GPATCH8: variants seen among roughly 807,000 people sequenced by gnomAD.
GPATCH8 encodes G-patch domain containing 8, also known as G patch domain-containing protein 8.
A neutral mutation model predicts 118.3 loss-of-function variants in GPATCH8; 18 were observed. The observed-to-expected ratio is 0.15, with a 90% CI of 0.11 to 0.23. The LOEUF (loss-of-function observed/expected upper bound fraction) is 0.23. Ranked by LOEUF, GPATCH8 falls within the 10% of genes least tolerant of loss-of-function variation. The pLI is 1.00. For synonymous variants in GPATCH8, 659 were observed against 684.7 expected, an observed-to-expected ratio of 0.96 and a Z score of 0.59; for missense variants, 1,631 against 1,873.8, an observed-to-expected ratio of 0.87 and a Z score of 2.39.
intron 3 of GPATCH8, among the ~76,000 whole-genome samples, chr17:44,456,606 A>T (rs542724223): frequency 2.3e-4 from 35 of 151,590 alleles, no homozygotes; most frequent in Non-Finnish European, 4.4e-4. Flanking sequence ...ACATAGAAAG[A>T]CCTCATCTCC....
chr17:44,431,378 GAAA>G (rs776468380), intron 5 of GPATCH8, among the ~76,000 whole-genome samples: 5 of 47,794 alleles, frequency 1.0e-4, no homozygotes, highest in African/African-American at 1.4e-4. Context: ...TCTCAAAAAG[GAAA>G]AAAAAAAAAA....
chr17:44,498,754 C>T (rs571968519), intron 1 of GPATCH8, among the ~76,000 whole-genome samples: 1 of 152,274 alleles, frequency 6.6e-6, no homozygotes, highest in Admixed American at 6.5e-5. Flanking sequence ...GGCATTTCTT[C>T]CAGATTACGG....
chr17:44,429,422 G>T (rs1470775016), intron 5 of GPATCH8, among the ~76,000 whole-genome samples: 1 of 152,008 alleles, frequency 6.6e-6, no homozygotes, highest in Non-Finnish European at 1.5e-5. Context: ...TACAGCAATG[G>T]AAACAAGAAA....
intron 7 of GPATCH8, among the ~76,000 whole-genome samples, chr17:44,401,955 G>A (rs1184165172): frequency 6.7e-6 from 1 of 150,308 alleles, no homozygotes; most frequent in African/African-American, 2.4e-5. Flanking sequence ...AGTGAGCCAA[G>A]ATCACGCCAC....
At position 44,397,757 on chromosome 17, in the gene GPATCH8, G is replaced by A. The variant is rs751740491; in HGVS notation, c.4320C>T (p.His1440=). 3.1e-6 allele frequency: 5 copies of A among 1,588,528 alleles called. No individual in the cohort carries two copies. The highest frequency in any genetic ancestry group is 3.4e-5 in the Admixed American group (2 of 58,456). ...GATGGATGGCTGAGGCGGGAATGATGTGGATGGGATGGCTAGCGAGAAAGG... is the reference window on the plus strand; with the variant it reads ...GATGGATGGCTGAGGCGGGAATGATATGGATGGGATGGCTAGCGAGAAAGG... ...PATFLASHPI[H]IIPASAIHPG... The change falls in exon 8 of 8, where the codon CAC becomes CAT. Residue 1440 remains histidine, a synonymous_variant. Transcript: ENST00000591680.
At chr17:44,442,520 T>C (rs539124896) in intron 3 of GPATCH8, among the ~76,000 whole-genome samples, 1 of 152,242 alleles carries the variant, frequency 6.6e-6, no homozygotes, top group African/African-American at 2.4e-5. Context: ...GCTGGAGTGC[T>C]GTGGTGCCAT....
At chr17:44,482,592 AC>A (rs1211337004) in intron 1 of GPATCH8, among the ~76,000 whole-genome samples, 70 of 138,714 alleles carry the variant, frequency 5.0e-4, no homozygotes, top group Non-Finnish European at 9.9e-4. Flanking sequence ...AAAAAAAAAA[AC>A]CAAACCAAAC....
chr17:44,475,525 T>C (rs1214229369), intron 1 of GPATCH8, among the ~76,000 whole-genome samples: 1 of 149,348 alleles, frequency 6.7e-6, no homozygotes, highest in Non-Finnish European at 1.5e-5. Context: ...AAACCCCATC[T>C]CTACTAAAAA....
At chr17:44,503,208 C>T in intron 1 of GPATCH8, 118 bp downstream of exon 1, 1 of 890,904 alleles carries the variant, frequency 1.1e-6, no homozygotes, top group South Asian at 1.4e-5. Flanking sequence ...GGGAGAAGAG[C>T]GAGCTGGTTC....
chr17:44,459,750 TGAG>T (rs1356621358), intron 3 of GPATCH8, among the ~76,000 whole-genome samples: 2 of 151,980 alleles, frequency 1.3e-5, no homozygotes, highest in Non-Finnish European at 2.9e-5. Context: ...AAGCAAGACT[TGAG>T]GGACTGGGAA....
At chr17:44,452,196 C>T (rs2051136562) in intron 3 of GPATCH8, among the ~76,000 whole-genome samples, 1 of 145,710 alleles carries the variant, frequency 6.9e-6, no homozygotes, top group African/African-American at 2.6e-5. Flanking sequence ...TTGCTTGAAC[C>T]AGGGAGGTGG....
In GPATCH8 at chr17:44,413,764, C is replaced by T. The variant is rs1376965126; in HGVS notation, c.493-7713G>A. 4.6e-5 allele frequency among the ~76,000 whole-genome samples: 7 copies of T among 152,160 alleles called. No individual in the cohort carries two copies. The South Asian group carries it at 1.5e-3, about 32-fold the overall frequency. ...CCTCCCAGGTAGCTGGAATTACAGG[C>T]ACGTGCCACCATACCTGGCTAATTT... On this transcript the variant is annotated intron_variant, in intron 6 of 7. Transcript: ENST00000591680.
chr17:44,435,610 T>G (rs1395270172), intron 4 of GPATCH8, among the ~76,000 whole-genome samples: 2 of 148,948 alleles, frequency 1.3e-5, no homozygotes, highest in African/African-American at 4.9e-5. Flanking sequence ...AGAGATGGAG[T>G]TTCATCATGT....
intron 7 of GPATCH8, among the ~76,000 whole-genome samples, chr17:44,402,798 C>T (rs1385861073): frequency 6.6e-6 from 1 of 152,142 alleles, no homozygotes; most frequent in Admixed American, 6.5e-5. Context: ...CAAGCATTTG[C>T]TTTGGTTTTG....
At chr17:44,501,490 G>A (rs1275269604) in intron 1 of GPATCH8, among the ~76,000 whole-genome samples, 1 of 151,892 alleles carries the variant, frequency 6.6e-6, no homozygotes, top group Non-Finnish European at 1.5e-5. Flanking sequence ...AGCAGAAAAT[G>A]AAGTATACGT....
At chr17:44,478,571 G>T (rs1321810894) in intron 1 of GPATCH8, among the ~76,000 whole-genome samples, 1 of 151,932 alleles carries the variant, frequency 6.6e-6, no homozygotes, top group African/African-American at 2.4e-5. Flanking sequence ...GCTGAGGCAG[G>T]AGGATCACTT....
At chr17:44,457,010 G>A (rs564829855) in intron 3 of GPATCH8, among the ~76,000 whole-genome samples, 6 of 151,952 alleles carry the variant, frequency 3.9e-5, no homozygotes, top group South Asian at 2.1e-4. Flanking sequence ...TTACAGGCAC[G>A]CACCACCACA....
intron 5 of GPATCH8, among the ~76,000 whole-genome samples, chr17:44,431,756 C>T (rs1263595186): frequency 6.6e-6 from 1 of 151,630 alleles, no homozygotes; most frequent in Admixed American, 6.6e-5. Context: ...CATAGTGAGA[C>T]CCTATCTCTT....
chr17:44,488,975 C>T (rs1396227918), intron 1 of GPATCH8, among the ~76,000 whole-genome samples: 2 of 151,070 alleles, frequency 1.3e-5, no homozygotes, highest in Non-Finnish European at 3.0e-5. Flanking sequence ...AATCAAACTG[C>T]TTGAACCCGG....
Sources: gnomAD v4.1 joint callset for allele counts (sites outside exome capture counted in the v4.1 genomes callset) on GRCh38, gnomAD v4.1.1 for gene constraint, MANE v1.5 for transcripts, NCBI Gene and HGNC (gene_info 2026-07-23, HGNC 2026-07-21) for gene names.